The following CALN1 variants were observed in gnomAD, a reference collection of about 807,000 sequenced individuals.
CALN1 encodes calneuron 1.
CALN1 carries 17 observed loss-of-function variants against 30.6 expected under a neutral mutation model. That is an observed-to-expected ratio of 0.56 (90% CI 0.38 to 0.83). CALN1 has a LOEUF of 0.83. CALN1 is among the 40% of genes least tolerant of loss of function. The pLI is 0.00. For missense variants in CALN1, 291 were observed against 354.9 expected (o/e 0.82, Z 1.45); for synonymous variants, 156 against 131.4 (o/e 1.19, Z -1.28).
intron 5 of CALN1, among the ~76,000 whole-genome samples, chr7:71,958,534 C>T (rs2129524900): frequency 6.6e-6 from 1 of 152,248 alleles, no homozygotes; most frequent in East Asian, 1.9e-4. Context: ...GTGGTATATA[C>T]AGTTCCTGGG....
In CALN1 at chr7:72,358,963, CA is replaced by C. The variant is rs545772468; in HGVS notation, c.119+44287del. On this transcript the variant is annotated intron_variant, in intron 2 of 6. Coordinates refer to ENST00000395275, the MANE Select transcript of CALN1 (RefSeq NM_031468.4). Reference sequence around the variant, plus strand: ...TGGCTGACAAGGTGAGACTCTACCTCAAAAAAAAAAAAAAATTACATTGGGT... The same window carrying C: ...TGGCTGACAAGGTGAGACTCTACCTCAAAAAAAAAAAAAATTACATTGGGT... Among the ~76,000 whole-genome samples the C allele has an allele frequency of 3.7e-3, 502 of 137,490 alleles. 2 individuals are homozygous for C. Among genetic ancestry groups the C allele is most frequent in the Non-Finnish European group, 5.0e-3 (317 of 62,836 alleles). 90.2% of individuals were successfully genotyped at this position (137,490 alleles called of 152,430 possible). A position where few individuals can be genotyped will look rare whatever the true frequency, so the allele number is the denominator to read the frequency against.
intron 5 of CALN1, among the ~76,000 whole-genome samples, chr7:71,819,949 G>A (rs1044152583): frequency 2.6e-5 from 4 of 152,100 alleles, no homozygotes; most frequent in African/African-American, 7.2e-5. Context: ...CCTGAAAAAT[G>A]ACTTCAGGCT....
chr7:72,156,631 T>C (rs1484068889), intron 3 of CALN1, among the ~76,000 whole-genome samples: 2 of 152,202 alleles, frequency 1.3e-5, no homozygotes, highest in African/African-American at 4.8e-5. Context: ...CAGAGCTTGG[T>C]GCAGCTCAAG....
chr7:71,832,388 G>A (rs1789340912), intron 5 of CALN1, among the ~76,000 whole-genome samples: 1 of 152,176 alleles, frequency 6.6e-6, no homozygotes, highest in South Asian at 2.1e-4. Flanking sequence ...GCAACAAAGT[G>A]CAATCTAAAT....
chr7:72,336,829 C>T (rs936721228), intron 2 of CALN1: 2 of 985,032 alleles, frequency 2.0e-6, no homozygotes, highest in South Asian at 4.7e-5. Context: ...CAGCGCTCAG[C>T]CTCTCGCTCA....
At chr7:72,290,739 A>G (rs1057356243) in intron 2 of CALN1, among the ~76,000 whole-genome samples, 12 of 151,968 alleles carry the variant, frequency 7.9e-5, no homozygotes, top group Admixed American at 1.3e-4. Context: ...ATTATTTGCA[A>G]ATTTGTACTT....
Position 72,142,648 on chromosome 7 carries a change from T to A in CALN1, c.245-36354A>T, listed in dbSNP as rs567713904. ...AGTAGTGGTTCTCCCAGCACGGAGC[T>A]TGAGATCTGAGAATGAACAGACTGC... On this transcript the variant is annotated intron_variant, in intron 3 of 6. Transcript: ENST00000395275. 3.3e-5 allele frequency among the ~76,000 whole-genome samples: 5 copies of A among 152,250 alleles called. No individual in the cohort carries two copies. The East Asian group carries it at 9.7e-4, about 29-fold the overall frequency.
chr7:72,072,074 C>T (rs1305754172), intron 4 of CALN1, among the ~76,000 whole-genome samples: 2 of 152,068 alleles, frequency 1.3e-5, no homozygotes, highest in African/African-American at 2.4e-5. Flanking sequence ...TTATGGAAAC[C>T]TGAGAAAGAG....
At chr7:72,062,020 G>A (rs921100893) in intron 4 of CALN1, among the ~76,000 whole-genome samples, 2 of 152,078 alleles carry the variant, frequency 1.3e-5, no homozygotes, top group South Asian at 2.1e-4. Flanking sequence ...ATAAAACACT[G>A]AGACCAGAAG....
intron 5 of CALN1, among the ~76,000 whole-genome samples, chr7:71,897,013 C>T (rs911447857): frequency 1.1e-4 from 16 of 152,028 alleles, no homozygotes; most frequent in African/African-American, 3.6e-4. Flanking sequence ...TGAGAAGACC[C>T]CCATCTCAGT....
intron 5 of CALN1, among the ~76,000 whole-genome samples, chr7:72,008,689 G>A (rs1212867165): frequency 3.5e-5 from 5 of 141,858 alleles, no homozygotes; most frequent in Admixed American, 1.4e-4. Context: ...ACAGTTTCAC[G>A]CTTTTGCCCA....
chr7:72,478,887 C>CT, the CALN1 span, among the ~76,000 whole-genome samples: 125,746 of 139,792 alleles, frequency 0.9, 57,097 homozygotes, highest in East Asian at 1. Context: ...CGAACCACTT[C>CT]TTTTTTTTTT....
intron 5 of CALN1, among the ~76,000 whole-genome samples, chr7:72,011,330 G>A (rs1259821826): frequency 6.6e-6 from 1 of 152,054 alleles, no homozygotes; most frequent in Non-Finnish European, 1.5e-5. Context: ...GTGGGGATCA[G>A]GGCCCACTGA....
intron 3 of CALN1, among the ~76,000 whole-genome samples, chr7:72,235,685 C>A (rs939897493): frequency 3.2e-4 from 48 of 151,114 alleles, no homozygotes; most frequent in Non-Finnish European, 5.9e-4. Flanking sequence ...CCCCCGCCCC[C>A]CTAACCTTGG....
intron 1 of CALN1, among the ~76,000 whole-genome samples, chr7:72,439,100 C>T (rs1051565480): frequency 3.9e-5 from 6 of 151,998 alleles, no homozygotes; most frequent in African/African-American, 7.2e-5. Flanking sequence ...GCAGTGACGC[C>T]ATTATAGCTC....
chr7:72,312,394 GAAAAAAAAA>G (rs768174448), intron 2 of CALN1, among the ~76,000 whole-genome samples: 16 of 71,828 alleles, frequency 2.2e-4, no homozygotes, highest in Non-Finnish European at 4.6e-4. Flanking sequence ...CTTCATCTCA[GAAAAAAAAA>G]AAAAAAAAAA....
chr7:72,427,352 T>C (rs1807829220), intron 1 of CALN1, among the ~76,000 whole-genome samples: 2 of 152,108 alleles, frequency 1.3e-5, no homozygotes, highest in African/African-American at 4.8e-5. Flanking sequence ...CCCAATTGTT[T>C]CATCAGCAAG....
In CALN1 at chr7:72,412,105, T is replaced by C. The variant is rs1470952265; in HGVS notation, c.-121A>G. 1 of 152,404 alleles carries C rather than the reference T, an allele frequency of 6.6e-6. No individual in the cohort carries two copies. The highest frequency in any genetic ancestry group is 1.5e-5 in the Non-Finnish European group (1 of 68,126). The allele number at this position is 152,404 out of a possible 1,614,324, so 9.4% of individuals were successfully genotyped here. Reference sequence around the variant, plus strand: ...CTGCTGGGTTGTTGGTCTCGCCGACTTTAAGAATAAAACCACGGACCTCGC... The same window carrying C: ...CTGCTGGGTTGTTGGTCTCGCCGACCTTAAGAATAAAACCACGGACCTCGC... On this transcript the variant is annotated 5_prime_UTR_variant, in exon 1 of 7. Transcript: ENST00000395275.
At chr7:71,898,123 A>C (rs565464141) in intron 5 of CALN1, among the ~76,000 whole-genome samples, 25 of 152,078 alleles carry the variant, frequency 1.6e-4, no homozygotes, top group African/African-American at 5.3e-4. Context: ...TGAGGTCAGG[A>C]GTTCGAGACC....
Sources: allele counts gnomAD v4.1 joint callset (sites outside exome capture counted in the v4.1 genomes callset), GRCh38; gene constraint gnomAD v4.1.1; transcripts MANE v1.5; gene names NCBI Gene and HGNC (gene_info 2026-07-23, HGNC 2026-07-21).